MECOM: variants seen among roughly 807,000 people sequenced by gnomAD.
The protein encoded by MECOM is histone-lysine N-methyltransferase MECOM.
A neutral mutation model predicts 116.3 loss-of-function variants in MECOM; 13 were observed. The ratio of observed to expected loss-of-function variants is 0.11; its 90% CI spans 0.07 to 0.18. The LOEUF (loss-of-function observed/expected upper bound fraction) is 0.18, where lower values mean the gene tolerates loss of function less well. Ranked by LOEUF, MECOM falls within the 10% of genes least tolerant of loss-of-function variation. The probability of loss-of-function intolerance (pLI) is 1.00; values close to 1 mark genes in which losing one functional copy is unlikely to be tolerated. For synonymous variants in MECOM, 528 were observed against 535.2 expected, an observed-to-expected ratio of 0.99 and a Z score of 0.19; for missense variants, 1,299 against 1,509.0, an observed-to-expected ratio of 0.86 and a Z score of 2.31.
chr3:169,653,092 T>C (rs771272973), intron 1 of MECOM, among the ~76,000 whole-genome samples: 2 of 152,184 alleles, frequency 1.3e-5, no homozygotes, highest in East Asian at 3.8e-4. Context: ...GGAATAATAC[T>C]CCACTTTCCA....
intron 2 of MECOM, among the ~76,000 whole-genome samples, chr3:169,361,607 A>G (rs567410265): frequency 1.3e-5 from 2 of 151,896 alleles, no homozygotes; most frequent in East Asian, 3.9e-4. Flanking sequence ...TATGAGGTAG[A>G]TCCTATTGTT....
Position 169,084,948 on chromosome 3 carries a change from C to T in MECOM, c.3681G>A (p.Ala1227=), listed in dbSNP as rs750896996. The change falls in exon 17 of 17, where the codon GCG becomes GCA. Residue 1227 remains alanine (A), a synonymous_variant. Transcript: ENST00000651503. Reference sequence around the variant, plus strand: ...TGGACTGGATAGCACTGGATTCCGCCGCAGCCCTGGCCATACTGTGCCACA... The same window carrying T: ...TGGACTGGATAGCACTGGATTCCGCTGCAGCCCTGGCCATACTGTGCCACA... The part of the protein sequence containing the change: ...SNVWHSMARA[A]AESSAIQSIS... The T allele has an allele frequency of 8.1e-6, 13 of 1,613,942 alleles. No individual in the cohort carries two copies. The highest frequency in any genetic ancestry group is 1.6e-4 in the Middle Eastern group (1 of 6,074).
chr3:169,303,217 T>A (rs1247192897), intron 2 of MECOM, among the ~76,000 whole-genome samples: 1 of 152,168 alleles, frequency 6.6e-6, no homozygotes, highest in African/African-American at 2.4e-5. Flanking sequence ...AAAGTCTAAC[T>A]TCCCCCTTCC....
intron 1 of MECOM, among the ~76,000 whole-genome samples, chr3:169,663,004 C>A (rs1407832368): frequency 1.4e-5 from 2 of 146,236 alleles, no homozygotes; most frequent in African/African-American, 5.1e-5. Flanking sequence ...CCCCACCCCA[C>A]CCCTTCGCGC....
chr3:169,125,734 A>T (rs1450330575), intron 5 of MECOM, among the ~76,000 whole-genome samples: 1 of 152,108 alleles, frequency 6.6e-6, no homozygotes, highest in African/African-American at 2.4e-5. Flanking sequence ...CTTTTCGTGG[A>T]ATTTTATCTC....
At chr3:169,616,581 G>A (rs892631146) in intron 1 of MECOM, among the ~76,000 whole-genome samples, 9 of 152,154 alleles carry the variant, frequency 5.9e-5, no homozygotes, top group Non-Finnish European at 1.2e-4. Context: ...CTCAGGTGAT[G>A]CACCAGCCTC....
intron 1 of MECOM, among the ~76,000 whole-genome samples, chr3:169,434,711 T>C (rs1022428122): frequency 2.6e-5 from 4 of 152,208 alleles, no homozygotes; most frequent in Admixed American, 2.6e-4. Flanking sequence ...TTTAATGATG[T>C]GAGGCAAATT....
intron 1 of MECOM, among the ~76,000 whole-genome samples, chr3:169,492,113 G>C (rs1420610880): frequency 6.6e-6 from 1 of 152,078 alleles, no homozygotes; most frequent in Non-Finnish European, 1.5e-5. Flanking sequence ...AGTTTCATGG[G>C]GTCAGTGGCA....
intron 1 of MECOM, among the ~76,000 whole-genome samples, chr3:169,638,750 G>T (rs1445350171): frequency 1.3e-5 from 2 of 152,116 alleles, no homozygotes; most frequent in Non-Finnish European, 2.9e-5. Context: ...GTGCTGCGTG[G>T]GTGGGATTAA....
At chr3:169,268,338 G>A (rs1026310497) in intron 2 of MECOM, among the ~76,000 whole-genome samples, 1 of 152,094 alleles carries the variant, frequency 6.6e-6, no homozygotes, top group Non-Finnish European at 1.5e-5. Context: ...GTCTTCTTTG[G>A]ACAAGTCAAC....
At chr3:169,218,512 T>G (rs1019592943) in intron 2 of MECOM, among the ~76,000 whole-genome samples, 1 of 152,158 alleles carries the variant, frequency 6.6e-6, no homozygotes, top group Non-Finnish European at 1.5e-5. Flanking sequence ...CCCTTTTGAC[T>G]GGAATGAGTA....
chr3:169,506,939 A>T (rs1755309511), intron 1 of MECOM, among the ~76,000 whole-genome samples: 1 of 152,196 alleles, frequency 6.6e-6, no homozygotes, highest in South Asian at 2.1e-4. Flanking sequence ...ATTTGTTTTT[A>T]AAATTCACAT....
chr3:169,449,248 C>G (rs1305596676), intron 1 of MECOM, among the ~76,000 whole-genome samples: 2 of 152,046 alleles, frequency 1.3e-5, no homozygotes, highest in East Asian at 3.9e-4. Context: ...CAAAAACATC[C>G]CAGCCATAAC....
intron 1 of MECOM, among the ~76,000 whole-genome samples, chr3:169,441,095 C>T (rs528632051): frequency 6.6e-6 from 1 of 152,292 alleles, no homozygotes; most frequent in Admixed American, 6.5e-5. Context: ...CTGGACATTG[C>T]TCTGGGCAGC....
At chr3:169,331,575 T>A (rs184621505) in intron 2 of MECOM, among the ~76,000 whole-genome samples, 1 of 152,276 alleles carries the variant, frequency 6.6e-6, no homozygotes, top group East Asian at 1.9e-4. Flanking sequence ...GTGTTTCTTA[T>A]AGTTTCATAA....
chr3:169,621,248 TCA>T, intron 1 of MECOM, among the ~76,000 whole-genome samples: 1 of 152,258 alleles, frequency 6.6e-6, no homozygotes, highest in Non-Finnish European at 1.5e-5. Context: ...ACATAACTTG[TCA>T]GCGTCTCACT....
At chr3:169,129,538 G>A (rs1370659706) in intron 4 of MECOM, among the ~76,000 whole-genome samples, 1 of 151,956 alleles carries the variant, frequency 6.6e-6, no homozygotes, top group Non-Finnish European at 1.5e-5. Context: ...GAAATCTTTG[G>A]ATTTAGAGGG....
rs142702495 is a variant in MECOM, at chr3:169,255,019, C to T, written c.376-111187G>A. Among the ~76,000 whole-genome samples, 478 of 152,208 alleles carry T rather than the reference C, an allele frequency of 3.1e-3. 1 individual carries two copies. The highest frequency in any genetic ancestry group is 0.011 in the African/African-American group (457 of 41,540). ...AATATTCTAAAGGATCAGAGATCTA[C>T]CAAAGGAAAGGATGCACAAACACTG... On this transcript the variant is annotated intron_variant, in intron 2 of 16. Coordinates refer to ENST00000651503, the MANE Select transcript of MECOM (RefSeq NM_004991.4).
At chr3:169,241,811 G>A (rs533518252) in intron 2 of MECOM, among the ~76,000 whole-genome samples, 2 of 152,268 alleles carry the variant, frequency 1.3e-5, no homozygotes, top group East Asian at 1.9e-4. Flanking sequence ...CTACTTCAGC[G>A]AATCAAGTCA....
Sources: allele counts gnomAD v4.1 joint callset (sites outside exome capture counted in the v4.1 genomes callset), GRCh38; gene constraint gnomAD v4.1.1; transcripts MANE v1.5; gene names NCBI Gene and HGNC (gene_info 2026-07-23, HGNC 2026-07-21).